The following CACNA1B variants were observed in gnomAD, a reference collection of about 807,000 sequenced individuals.
The protein encoded by CACNA1B is calcium voltage-gated channel subunit alpha1 B, also known as voltage-dependent N-type calcium channel subunit alpha-1B.
Under a neutral mutation model 247.2 loss-of-function variants are expected in CACNA1B, and 70 were observed. That is an observed-to-expected ratio of 0.28 (90% CI 0.23 to 0.35). The LOEUF is 0.35. Ranked by LOEUF, CACNA1B falls within the 10% of genes least tolerant of loss-of-function variation. CACNA1B has a pLI of 1.00. For missense variants in CACNA1B, 2,367 were observed against 3,197.4 expected (o/e 0.74, Z 6.26); for synonymous variants, 1,231 against 1,294.4 (o/e 0.95, Z 1.05).
At chr9:138,068,545 C>G (rs999778954) in intron 31 of CACNA1B, 17 of 515,982 alleles carry the variant, frequency 3.3e-5, no homozygotes, top group Non-Finnish European at 6.2e-5. Flanking sequence ...GCATTTAGTC[C>G]CAGTGCGCTT....
chr9:137,949,288 GTGTCCTT>G (rs1957848487), intron 6 of CACNA1B, among the ~76,000 whole-genome samples: 3 of 9,014 alleles, frequency 3.3e-4, no homozygotes, highest in East Asian at 3.5e-3. Context: ...GTGTGTTTGC[GTGTCCTT>G]TGTGTCTGGT....
chr9:137,987,295 T>A (rs554884982), intron 15 of CACNA1B, among the ~76,000 whole-genome samples: 1 of 152,094 alleles, frequency 6.6e-6, no homozygotes, highest in East Asian at 1.9e-4. Context: ...CCCCCTCAGC[T>A]CCTCGGGAAG....
intron 36 of CACNA1B, among the ~76,000 whole-genome samples, chr9:138,079,742 CA>C (rs141292393): frequency 0.12 from 5,101 of 41,776 alleles, 139 homozygotes; most frequent in African/African-American, 0.28. Context: ...GACTCCATCT[CA>C]AAAAAAAAAA....
At chr9:138,046,461 CT>C (rs60742325) in intron 21 of CACNA1B, among the ~76,000 whole-genome samples, 25,611 of 152,170 alleles carry the variant, frequency 0.17, 6,178 homozygotes, top group African/African-American at 0.53. Flanking sequence ...GAAATTCTTC[CT>C]CTCTGAGCAA....
chr9:138,013,253 G>C lies in CACNA1B; in HGVS notation c.2267+18G>C. Reference sequence around the variant, plus strand: ...ATCGCCGCGTAAGGCTCCTAGGAGTGGATTGTGGGGTGGCAGTGGGGCTGC... The same window carrying C: ...ATCGCCGCGTAAGGCTCCTAGGAGTCGATTGTGGGGTGGCAGTGGGGCTGC... On this transcript the variant is annotated intron_variant, in intron 18 of 46. Transcript: ENST00000371372. 6.5e-7 allele frequency: 1 copy of C among 1,547,222 alleles called. No individual in the cohort carries two copies. Among genetic ancestry groups the C allele is most frequent in the Non-Finnish European group, 8.7e-7 (1 of 1,144,632 alleles).
Position 137,986,338 on chromosome 9 carries a change from A to C in CACNA1B, c.1770-75A>C. The C allele has an allele frequency of 6.5e-7, 1 of 1,535,240 alleles. No homozygotes were observed. ...GGGTTTAGAAAGTCAGTGGAGCCTT[A>C]AGTGTGGCTGCAGAGAGCCATGAAT... is the stretch of plus-strand genomic sequence containing the variant. On this transcript the variant is annotated intron_variant, in intron 13 of 46. Transcript: ENST00000371372. This position sits in a 1 kb window ranked among gnomAD's most constrained non-coding sequence, Gnocchi z 6.0.
chr9:137,985,223 C>T (rs962174078), intron 13 of CACNA1B, among the ~76,000 whole-genome samples: 2 of 152,232 alleles, frequency 1.3e-5, no homozygotes, highest in East Asian at 3.9e-4. Context: ...AAATCCAAAC[C>T]TAAGACCATA....
chr9:138,074,931 A>G (rs536382918), intron 34 of CACNA1B, among the ~76,000 whole-genome samples: 3 of 152,354 alleles, frequency 2.0e-5, no homozygotes, highest in East Asian at 3.9e-4. Context: ...AGCGCATCGG[A>G]TCCTTGCGCT....
In CACNA1B at chr9:137,900,583, C is replaced by T. The variant is rs13286694; in HGVS notation, c.531-12597C>T. 4.3e-5 allele frequency among the ~76,000 whole-genome samples: 6 copies of T among 139,372 alleles called. No homozygotes were observed. In the South Asian group the frequency reaches 9.3e-4, roughly 22 times the overall value. The allele number at this position is 139,372 out of a possible 152,430, so 91.4% of individuals were successfully genotyped here. ...GTCTGTCTATGTGTGTCTCTGTGTC[C>T]GTGTGTCCATGTCTGTGCCGTGTGT... On this transcript the variant is annotated intron_variant, in intron 3 of 46. Coordinates refer to ENST00000371372, the MANE Select transcript of CACNA1B (RefSeq NM_000718.4).
In CACNA1B at chr9:137,990,713, AC is replaced by A. The variant is rs1445966700; in HGVS notation, c.1974+3864del. Among the ~76,000 whole-genome samples the A allele has an allele frequency of 6.6e-6, 1 of 152,036 alleles. No individual in the cohort carries two copies. The highest frequency in any genetic ancestry group is 1.5e-5 in the Non-Finnish European group (1 of 67,992). On this transcript the variant is annotated intron_variant, in intron 15 of 46. Transcript: ENST00000371372. This position sits in a 1 kb window ranked among gnomAD's most constrained non-coding sequence, Gnocchi z 4.5. ...ACAGAGTCCATTTCACTCCCCTGCT[AC>A]CCCCACCAGAGCAGGTGCTGGTATC...
intron 31 of CACNA1B, among the ~76,000 whole-genome samples, chr9:138,067,841 G>T (rs1158769307): frequency 6.6e-6 from 1 of 152,240 alleles, no homozygotes; most frequent in East Asian, 1.9e-4. Flanking sequence ...CCCAGAGGGT[G>T]CCTGCACAGA....
At chr9:137,916,645 T>C (rs1957414374) in intron 5 of CACNA1B, among the ~76,000 whole-genome samples, 1 of 152,252 alleles carries the variant, frequency 6.6e-6, no homozygotes, top group South Asian at 2.1e-4. Flanking sequence ...AGCTTGGGAC[T>C]GGCCAAGGGC....
At chr9:137,936,430 G>T (rs896748629) in intron 6 of CACNA1B, among the ~76,000 whole-genome samples, 1 of 152,268 alleles carries the variant, frequency 6.6e-6, no homozygotes, top group Admixed American at 6.5e-5. Context: ...CCATTCTGTA[G>T]GTTGCCTGTT....
At position 138,059,847 on chromosome 9, in the gene CACNA1B, A is replaced by G; in HGVS notation, c.4668+110A>G. 1 of 715,066 alleles carries G rather than the reference A, an allele frequency of 1.4e-6. No homozygotes were observed. The highest frequency in any genetic ancestry group is 2.5e-5 in the East Asian group (1 of 39,608). 44.3% of individuals were successfully genotyped at this position (715,066 alleles called of 1,614,324 possible). A position where few individuals can be genotyped will look rare whatever the true frequency, so the allele number is the denominator to read the frequency against. ...GTGTTAGCCTCTTCCTGGGTTCCGCAGAACCCCCTGGACATGTGGAGGCTT... is the reference window on the plus strand; with the variant it reads ...GTGTTAGCCTCTTCCTGGGTTCCGCGGAACCCCCTGGACATGTGGAGGCTT... On this transcript the variant is annotated intron_variant, in intron 31 of 46. Transcript: ENST00000371372. This position sits in a 1 kb window ranked among gnomAD's most constrained non-coding sequence, Gnocchi z 4.2.
At chr9:137,936,307 T>C (rs1017474826) in intron 6 of CACNA1B, among the ~76,000 whole-genome samples, 7 of 152,224 alleles carry the variant, frequency 4.6e-5, no homozygotes, top group Non-Finnish European at 1.0e-4. Context: ...AAAAGTATCC[T>C]TTGCCCACTT....
At chr9:138,049,526 T>C (rs1267665475) in intron 24 of CACNA1B, among the ~76,000 whole-genome samples, 20 of 152,150 alleles carry the variant, frequency 1.3e-4, no homozygotes, top group Non-Finnish European at 2.9e-4. Context: ...TCAAACTAGG[T>C]AGGGCCCTGG....
In CACNA1B at chr9:138,044,017, T is replaced by C. The variant is rs1589090251; in HGVS notation, c.3413+117T>C. ...GCGCACTTATGTAGAGAAACGGCTC[T>C]AAATCCCATGGCAGACCCCAGAGGC... On this transcript the variant is annotated intron_variant, in intron 21 of 46. Transcript: ENST00000371372. 19 of 1,360,920 alleles carry C rather than the reference T, an allele frequency of 1.4e-5. No individual in the cohort carries two copies. The East Asian group carries it at 4.4e-4, about 32-fold the overall frequency. The allele number at this position is 1,360,920 out of a possible 1,614,324, so 84.3% of individuals were successfully genotyped here.
Position 138,117,821 on chromosome 9 carries a change from G to A in CACNA1B, c.5778-125G>A, listed in dbSNP as rs1204820446. On this transcript the variant is annotated intron_variant, in intron 42 of 46. Transcript: ENST00000371372. ...AGGGCTCAATTCAGTCCAGAACAGG[G>A]TGGCCAAACCCCCTGACCTCTGCTG... The A allele has an allele frequency of 1.4e-5, 10 of 691,316 alleles. No individual in the cohort carries two copies. The East Asian group carries it at 2.1e-4, about 15-fold the overall frequency. 42.8% of individuals were successfully genotyped at this position (691,316 alleles called of 1,614,324 possible).
intron 15 of CACNA1B, among the ~76,000 whole-genome samples, chr9:137,999,684 T>A (rs996044379): frequency 6.6e-6 from 1 of 152,022 alleles, no homozygotes; most frequent in South Asian, 2.1e-4. Context: ...TAATTTCTAT[T>A]TTTTGTAGAG....
Sources: gnomAD v4.1 joint callset for allele counts (sites outside exome capture counted in the v4.1 genomes callset) on GRCh38, gnomAD v4.1.1 for gene constraint, Gnocchi (gnomAD v3.1) non-coding constraint, MANE v1.5 for transcripts, NCBI Gene and HGNC (gene_info 2026-07-23, HGNC 2026-07-21) for gene names.